SRGAP3: variants seen among roughly 807,000 people sequenced by gnomAD.
The protein encoded by SRGAP3 is SLIT-ROBO Rho GTPase-activating protein 3.
In SRGAP3, 39 loss-of-function variants were observed where a neutral mutation model predicts 121.1. That is an observed-to-expected ratio of 0.32 (90% CI 0.25 to 0.42). The LOEUF is 0.42. Among genes scored for constraint, SRGAP3 ranks in the 10% least tolerant of loss-of-function variants. The pLI is 1.00. For synonymous variants in SRGAP3, 601 were observed against 570.0 expected (o/e 1.05, Z -0.77); for missense variants, 1,213 against 1,470.6 (o/e 0.82, Z 2.86).
intron 10 of SRGAP3, among the ~76,000 whole-genome samples, chr3:9,040,922 T>C (rs949850107): frequency 2.0e-5 from 3 of 152,258 alleles, no homozygotes; most frequent in African/African-American, 7.2e-5. Flanking sequence ...AAATACTGTG[T>C]TCTGTGAGAG....
intron 3 of SRGAP3, among the ~76,000 whole-genome samples, chr3:9,098,199 C>G (rs115579162): frequency 7.0e-4 from 107 of 152,360 alleles, no homozygotes; most frequent in African/African-American, 2.5e-3. Context: ...ACACCTGTCT[C>G]TGCTTTCAGA....
intron 9 of SRGAP3, 36 bp from the exon 10 acceptor site, chr3:9,047,511 C>T: frequency 1.9e-6 from 3 of 1,600,576 alleles, no homozygotes; most frequent in Non-Finnish European, 2.6e-6. Context: ...TTATAGATTG[C>T]AAGGCCGAGT....
intron 3 of SRGAP3, chr3:9,081,247 TC>T (rs1947230385): frequency 2.2e-6 from 1 of 456,672 alleles, no homozygotes; most frequent in Non-Finnish European, 4.4e-6. Flanking sequence ...CTGCCTAATC[TC>T]ATCTTACCAT....
chr3:9,157,447 A>G (rs1313566499), intron 1 of SRGAP3, among the ~76,000 whole-genome samples: 1 of 152,230 alleles, frequency 6.6e-6, no homozygotes, highest in Non-Finnish European at 1.5e-5. Flanking sequence ...ACCATATCAA[A>G]TACCATAAGA....
In SRGAP3 at chr3:9,060,428, C is replaced by CTTTTTTTTTTTTTT. The variant is rs59248524; in HGVS notation, c.673-83_673-70dup. The CTTTTTTTTTTTTTT allele has an allele frequency of 1.3e-5, 15 of 1,176,774 alleles. No homozygotes were observed. The African/African-American group carries it at 2.8e-4, about 22-fold the overall frequency. 72.9% of individuals were successfully genotyped at this position (1,176,774 alleles called of 1,614,324 possible). A position where few individuals can be genotyped will look rare whatever the true frequency, so the allele number is the denominator to read the frequency against. ...GGACGGGGTTTGTGATTTTCTATTC[C>CTTTTTTTTTTTTTT]TTTTTTTTTTTTTTTTGAGACAGGG... On this transcript the variant is annotated intron_variant, in intron 5 of 21. Coordinates refer to ENST00000383836, the MANE Select transcript of SRGAP3 (RefSeq NM_014850.4).
chr3:9,104,536 G>A (rs1575079804), intron 3 of SRGAP3, 144 bp downstream of exon 3: 3 of 1,122,104 alleles, frequency 2.7e-6, no homozygotes, highest in Non-Finnish European at 4.0e-6. Context: ...CCCAAGTCCA[G>A]CCCTCAGCCA....
chr3:9,071,373 T>C (rs2675174), intron 4 of SRGAP3, among the ~76,000 whole-genome samples: 129,106 of 152,080 alleles, frequency 0.85, 54,956 homozygotes, highest in African/African-American at 0.89. Context: ...GGGGTGGGCA[T>C]GAGACCCTGG....
chr3:8,992,542 T>G (rs1942119383), intron 20 of SRGAP3: 3 of 402,932 alleles, frequency 7.4e-6, no homozygotes, highest in Non-Finnish European at 1.4e-5. Context: ...GCTTTACATT[T>G]TTAAATATAA....
intron 3 of SRGAP3, among the ~76,000 whole-genome samples, chr3:9,271,765 C>T (rs1056065148): frequency 7.2e-5 from 11 of 152,158 alleles, no homozygotes; most frequent in Admixed American, 6.5e-4. Context: ...AAAAGCACAG[C>T]GTGGCAGAGG....
chr3:9,128,932 C>T (rs1949340268), intron 1 of SRGAP3, among the ~76,000 whole-genome samples: 2 of 152,172 alleles, frequency 1.3e-5, no homozygotes, highest in African/African-American at 4.8e-5. Context: ...ACAAGCATGG[C>T]TTCTGAATAC....
rs779020703 is a variant in SRGAP3, at chr3:8,985,981, A to G, written c.2887-49T>C. On this transcript the variant is annotated intron_variant, in intron 21 of 21. Transcript: ENST00000383836. The surrounding 1 kb of genome is among the most constrained non-coding windows in gnomAD (Gnocchi z 5.1). Reference sequence around the variant, plus strand: ...CAGCACAGTCTGGAGACCTGGAGTCAGGTCCTTCCTGTCTGCTAAGCAGCT... The same window carrying G: ...CAGCACAGTCTGGAGACCTGGAGTCGGGTCCTTCCTGTCTGCTAAGCAGCT... 1 of 1,599,236 alleles carries G rather than the reference A, an allele frequency of 6.3e-7. No individual in the cohort carries two copies. Among genetic ancestry groups the G allele is most frequent in the South Asian group, 1.1e-5 (1 of 90,980 alleles).
intron 3 of SRGAP3, among the ~76,000 whole-genome samples, chr3:9,294,695 C>CGTGTGTGTGT (rs753452580): frequency 0.074 from 8,914 of 119,708 alleles, 494 homozygotes; most frequent in Admixed American, 0.1. Context: ...TTGAAGCTTT[C>CGTGTGTGTGT]GTGTGTGTGT....
intron 3 of SRGAP3, among the ~76,000 whole-genome samples, chr3:9,312,048 C>T (rs1955257240): frequency 6.6e-6 from 1 of 152,214 alleles, no homozygotes; most frequent in Non-Finnish European, 1.5e-5. Flanking sequence ...TCTGCACAAT[C>T]GTCTGTGCAT....
At chr3:9,324,759 C>T (rs1427802178) in intron 3 of SRGAP3, among the ~76,000 whole-genome samples, 1 of 151,654 alleles carries the variant, frequency 6.6e-6, no homozygotes, top group African/African-American at 2.4e-5. Context: ...AGATCGAGAC[C>T]ATCCTGGCTA....
At chr3:8,998,621 T>C (rs1326539486) in intron 18 of SRGAP3, among the ~76,000 whole-genome samples, 1 of 152,086 alleles carries the variant, frequency 6.6e-6, no homozygotes, top group African/African-American at 2.4e-5. Context: ...ACATATAATT[T>C]TGAAACTTTA....
chr3:9,115,415 T>C (rs1014889335), intron 2 of SRGAP3, among the ~76,000 whole-genome samples: 8 of 152,350 alleles, frequency 5.3e-5, no homozygotes, highest in African/African-American at 1.7e-4. Context: ...AATTAAATGA[T>C]AGAAATGTAT....
At chr3:9,351,441 C>T (rs766667983) in intron 1 of SRGAP3, among the ~76,000 whole-genome samples, 12 of 152,118 alleles carry the variant, frequency 7.9e-5, no homozygotes, top group African/African-American at 2.9e-4. Flanking sequence ...CAATCTTAAT[C>T]GCGTTAGAGT....
intron 1 of SRGAP3, chr3:9,349,008 C>CG (rs2029913554): frequency 3.2e-6 from 3 of 932,856 alleles, no homozygotes; most frequent in East Asian, 2.4e-5. Context: ...AACAGCCCCC[C>CG]GGGCATTGTC....
intron 3 of SRGAP3, among the ~76,000 whole-genome samples, chr3:9,271,561 C>T (rs1381611956): frequency 6.6e-6 from 1 of 152,202 alleles, no homozygotes; most frequent in Admixed American, 6.5e-5. Flanking sequence ...GCTGAGGCCT[C>T]TTCCAAGCCT....
Sources: gnomAD v4.1 joint callset for allele counts (sites outside exome capture counted in the v4.1 genomes callset) on GRCh38, gnomAD v4.1.1 for gene constraint, Gnocchi (gnomAD v3.1) non-coding constraint, MANE v1.5 for transcripts, NCBI Gene and HGNC (gene_info 2026-07-23, HGNC 2026-07-21) for gene names.